CNTN5: variants seen among roughly 807,000 people sequenced by gnomAD.
The protein encoded by CNTN5 is contactin-5.
In CNTN5, 77 loss-of-function variants were observed where a neutral mutation model predicts 129.1. The observed-to-expected ratio is 0.60, with a 90% confidence interval of 0.50 to 0.72. The LOEUF (loss-of-function observed/expected upper bound fraction) is 0.72, where lower values mean the gene tolerates loss of function less well. Ranked by LOEUF, CNTN5 falls within the 30% of genes least tolerant of loss-of-function variation. The probability of loss-of-function intolerance (pLI) is 0.00; values close to 1 mark genes in which losing one functional copy is unlikely to be tolerated. For missense variants in CNTN5, 1,478 were observed against 1,328.8 expected, an observed-to-expected ratio of 1.11 and a Z score of -1.75; for synonymous variants, 509 against 465.6, an observed-to-expected ratio of 1.09 and a Z score of -1.20.
chr11:100,279,910 CTTT>C (rs58391412), intron 18 of CNTN5, among the ~76,000 whole-genome samples: 5 of 114,702 alleles, frequency 4.4e-5, no homozygotes, highest in Non-Finnish European at 7.2e-5. Context: ...TTTTCTTTTT[CTTT>C]TTTTTTTTTT....
chr11:100,058,809 C>G (rs1284301953), intron 9 of CNTN5, among the ~76,000 whole-genome samples: 2 of 152,042 alleles, frequency 1.3e-5, no homozygotes, highest in African/African-American at 4.8e-5. Flanking sequence ...TAGACTGTTA[C>G]AAGAGACATA....
At chr11:99,583,258 C>T (rs759146746) in intron 3 of CNTN5, among the ~76,000 whole-genome samples, 7 of 152,152 alleles carry the variant, frequency 4.6e-5, no homozygotes, top group Non-Finnish European at 7.4e-5. Context: ...CCCAGTTAGG[C>T]TACTTGGGGG....
At chr11:99,693,575 G>T (rs998681278) in intron 3 of CNTN5, among the ~76,000 whole-genome samples, 3 of 151,948 alleles carry the variant, frequency 2.0e-5, no homozygotes, top group Admixed American at 2.0e-4. Context: ...TTCAAGGGTG[G>T]ATAGAGTAAT....
intron 1 of CNTN5, among the ~76,000 whole-genome samples, chr11:99,216,052 A>T (rs1200107360): frequency 6.6e-6 from 1 of 152,128 alleles, no homozygotes; most frequent in Non-Finnish European, 1.5e-5. Flanking sequence ...TTATTTTAAA[A>T]TGTACAATAA....
chr11:99,572,773 A>AG (rs750148353), intron 3 of CNTN5, among the ~76,000 whole-genome samples: 5 of 151,264 alleles, frequency 3.3e-5, no homozygotes, highest in Non-Finnish European at 7.4e-5. Flanking sequence ...TTTTTTAAAA[A>AG]ATAGATTATC....
intron 7 of CNTN5, among the ~76,000 whole-genome samples, chr11:99,940,832 C>A (rs549262360): frequency 6.6e-6 from 1 of 152,034 alleles, no homozygotes; most frequent in Non-Finnish European, 1.5e-5. Context: ...GATGGAATTT[C>A]CTTGTAATTA....
intron 13 of CNTN5, among the ~76,000 whole-genome samples, chr11:100,139,665 A>G (rs957394056): frequency 2.6e-5 from 4 of 152,118 alleles, no homozygotes; most frequent in Non-Finnish European, 5.9e-5. Context: ...GGAGTTCATG[A>G]TCAGCCTGGC....
At chr11:100,313,043 A>G (rs1951502032) in intron 21 of CNTN5, among the ~76,000 whole-genome samples, 1 of 152,106 alleles carries the variant, frequency 6.6e-6, no homozygotes, top group Non-Finnish European at 1.5e-5. Context: ...AAATTAAAAT[A>G]GTTTGAGGGT....
intron 1 of CNTN5, among the ~76,000 whole-genome samples, chr11:99,256,352 A>C (rs989660058): frequency 2.0e-5 from 3 of 152,004 alleles, no homozygotes; most frequent in Admixed American, 2.0e-4. Context: ...GTTCCTTTGA[A>C]TTGAAAGAGC....
intron 2 of CNTN5, among the ~76,000 whole-genome samples, chr11:99,363,103 G>T (rs1246938327): frequency 2.0e-5 from 3 of 151,892 alleles, no homozygotes; most frequent in Non-Finnish European, 4.4e-5. Context: ...ATAGATTGCT[G>T]TGAAAAGCAT....
chr11:99,887,199 T>C (rs1948923759), intron 6 of CNTN5, among the ~76,000 whole-genome samples: 1 of 152,208 alleles, frequency 6.6e-6, no homozygotes. Context: ...CTGCTTTCCC[T>C]AAGGCAGTCA....
chr11:100,139,495 A>C (rs1192544560), intron 13 of CNTN5, among the ~76,000 whole-genome samples: 1 of 152,140 alleles, frequency 6.6e-6, no homozygotes, highest in Non-Finnish European at 1.5e-5. Flanking sequence ...AGTAACATAG[A>C]ATTCAGTGGT....
intron 6 of CNTN5, among the ~76,000 whole-genome samples, chr11:99,879,594 G>GT (rs150022298): frequency 0.039 from 5,963 of 151,802 alleles, 201 homozygotes; most frequent in East Asian, 0.17. Context: ...TTGAGTTTGG[G>GT]TTTTTTTTCT....
chr11:100,355,776 G>A lies in CNTN5; in HGVS notation c.3200-341G>A, dbSNP rs148543396. ...ATGAATTCATATTGCCACAAATTTTGTAATTTTTGCTCCATTTTCTGAACT... is the reference window on the plus strand; with the variant it reads ...ATGAATTCATATTGCCACAAATTTTATAATTTTTGCTCCATTTTCTGAACT... On this transcript the variant is annotated intron_variant, in intron 24 of 24. Coordinates refer to ENST00000524871, the MANE Select transcript of CNTN5 (RefSeq NM_014361.4). Among the ~76,000 whole-genome samples, 619 of 151,656 alleles carry A rather than the reference G, an allele frequency of 4.1e-3. 3 individuals carry two copies. The highest frequency in any genetic ancestry group is 0.02 in the Middle Eastern group (6 of 294).
intron 3 of CNTN5, among the ~76,000 whole-genome samples, chr11:99,566,343 C>A (rs1231978826): frequency 6.6e-6 from 1 of 152,150 alleles, no homozygotes; most frequent in East Asian, 1.9e-4. Context: ...AGTGTTGGTG[C>A]CAGCAGAACT....
At chr11:99,496,872 G>A (rs1340731711) in intron 2 of CNTN5, among the ~76,000 whole-genome samples, 1 of 152,156 alleles carries the variant, frequency 6.6e-6, no homozygotes, top group Non-Finnish European at 1.5e-5. Context: ...GTAGACCTCT[G>A]CTAGTCATAA....
At chr11:99,304,661 A>G (rs537713825) in intron 1 of CNTN5, among the ~76,000 whole-genome samples, 1 of 152,322 alleles carries the variant, frequency 6.6e-6, no homozygotes, top group East Asian at 1.9e-4. Flanking sequence ...CACCATCATC[A>G]CAGAAATGCT....
intron 13 of CNTN5, among the ~76,000 whole-genome samples, chr11:100,146,126 A>C (rs1946844651): frequency 6.6e-6 from 1 of 152,198 alleles, no homozygotes. Context: ...TAGCCTGCAA[A>C]GCAGATTTTG....
At chr11:99,580,428 T>C (rs549412225) in intron 3 of CNTN5, among the ~76,000 whole-genome samples, 1 of 152,314 alleles carries the variant, frequency 6.6e-6, no homozygotes, top group East Asian at 1.9e-4. Context: ...CTTGTACCTC[T>C]GGTAGAATTT....
Sources: gnomAD v4.1 joint callset for allele counts (sites outside exome capture counted in the v4.1 genomes callset) on GRCh38, gnomAD v4.1.1 for gene constraint, MANE v1.5 for transcripts, NCBI Gene and HGNC (gene_info 2026-07-23, HGNC 2026-07-21) for gene names.